The following MFSD6 variants were observed in gnomAD, a reference collection of about 807,000 sequenced individuals.
MFSD6 encodes the protein major facilitator superfamily domain containing 6, also known as major facilitator superfamily domain-containing protein 6.
A neutral mutation model predicts 56.3 loss-of-function variants in MFSD6; 26 were observed. That is an observed-to-expected ratio of 0.46 (90% confidence interval 0.34 to 0.64). The LOEUF is 0.64. Among genes scored for constraint, MFSD6 ranks in the 30% least tolerant of loss-of-function variants. The pLI, the probability that MFSD6 is intolerant of heterozygous loss-of-function variation, is 0.01. For synonymous variants in MFSD6, 331 were observed against 366.9 expected (o/e 0.90, Z 1.12); for missense variants, 750 against 986.2 (o/e 0.76, Z 3.21).
In MFSD6 at chr2:190,497,861, C is replaced by A; in HGVS notation, c.2172+142C>A. 5.2e-6 allele frequency: 5 copies of A among 968,296 alleles called. No individual in the cohort carries two copies. The highest frequency in any genetic ancestry group is 7.5e-6 in the Non-Finnish European group (5 of 662,608). The allele number at this position is 968,296 out of a possible 1,614,324, so 60.0% of individuals were successfully genotyped here. On this transcript the variant is annotated intron_variant, in intron 7 of 7. Transcript: ENST00000392328. The surrounding 1 kb of genome is among the most constrained non-coding windows in gnomAD (Gnocchi z 5.2). ...AATAGACATGCAAACAATTTCAGTA[C>A]TCTGTGAGCACTGAGTTAAAGAGGG...
At chr2:190,411,441 A>T in intron 1 of MFSD6, 1 of 983,230 alleles carries the variant, frequency 1.0e-6, no homozygotes, top group Non-Finnish European at 1.2e-6. Flanking sequence ...TACAGGCATG[A>T]GCCACTGCGC....
At position 190,489,561 on chromosome 2, in the gene MFSD6, A is replaced by G. The variant is rs565260915; in HGVS notation, c.1793-207A>G. On this transcript the variant is annotated intron_variant, in intron 5 of 7. Transcript: ENST00000392328. The surrounding 1 kb of genome is among the most constrained non-coding windows in gnomAD (Gnocchi z 6.6). ...ATAAATGCAGTTTTATAATCGATCA[A>G]TGACAGATCCAATATCAGCCCTGGG... Among the ~76,000 whole-genome samples the G allele has an allele frequency of 6.6e-5, 10 of 152,350 alleles. No individual in the cohort carries two copies. Among genetic ancestry groups the G allele is most frequent in the South Asian group, 6.2e-4 (3 of 4,826 alleles).
In MFSD6 at chr2:190,452,593, C is replaced by T. The variant is rs190798743; in HGVS notation, c.1532+15032C>T. On this transcript the variant is annotated intron_variant, in intron 3 of 7. Coordinates refer to ENST00000392328, the MANE Select transcript of MFSD6 (RefSeq NM_017694.4). ...CTGCTACCTTATAGCTTCATAGGCA[C>T]AGGGTTAGATTAGCAACTGTTTTGT... 2.2e-4 allele frequency among the ~76,000 whole-genome samples: 33 copies of T among 152,294 alleles called. No individual in the cohort carries two copies. In the East Asian group the frequency reaches 6.4e-3, roughly 29 times the overall value.
intron 3 of MFSD6, among the ~76,000 whole-genome samples, chr2:190,445,791 CAG>C (rs1322089060): frequency 1.4e-5 from 2 of 139,248 alleles, no homozygotes; most frequent in Non-Finnish European, 3.1e-5. Flanking sequence ...ACTTTGAAAT[CAG>C]ATTCATAACG....
chr2:190,450,631 T>C (rs531515831), intron 3 of MFSD6, among the ~76,000 whole-genome samples: 3 of 151,288 alleles, frequency 2.0e-5, no homozygotes, highest in African/African-American at 7.3e-5. Context: ...TAGCACAGAC[T>C]ACAGGCATGT....
intron 2 of MFSD6, among the ~76,000 whole-genome samples, chr2:190,421,659 G>A (rs1047551033): frequency 1.9e-4 from 29 of 151,866 alleles, no homozygotes; most frequent in African/African-American, 4.4e-4. Flanking sequence ...ATAGCTCACT[G>A]TCCTGGGCAC....
At position 190,434,413 on chromosome 2, in the gene MFSD6, T is replaced by C. The variant is rs1686107890; in HGVS notation, c.-53-1564T>C. On this transcript the variant is annotated intron_variant, in intron 2 of 7. Coordinates refer to ENST00000392328, the MANE Select transcript of MFSD6 (RefSeq NM_017694.4). The surrounding 1 kb of genome is among the most constrained non-coding windows in gnomAD (Gnocchi z 4.3). ...AAATGTATATTGCTAATATCGTATA[T>C]GAAAAACATTTATTTATTTTATTTT... is the stretch of plus-strand genomic sequence containing the variant. Among the ~76,000 whole-genome samples, 1 of 152,100 alleles carries C rather than the reference T, an allele frequency of 6.6e-6. No homozygotes were observed. The highest frequency in any genetic ancestry group is 1.5e-5 in the Non-Finnish European group (1 of 68,012).
rs1685711420 is a variant in MFSD6, at chr2:190,424,002, G to C, written c.-54+8589G>C. 6.6e-6 allele frequency among the ~76,000 whole-genome samples: 1 copy of C among 152,150 alleles called. No homozygotes were observed. Among genetic ancestry groups the C allele is most frequent in the East Asian group, 1.9e-4 (1 of 5,202 alleles). On this transcript the variant is annotated intron_variant, in intron 2 of 7. Transcript: ENST00000392328. This position sits in a 1 kb window ranked among gnomAD's most constrained non-coding sequence, Gnocchi z 5.9. Reference sequence around the variant, plus strand: ...ATTTTCTAATTGGATTGTTTGTTGAGTTTGGAGAATTCTTTACATATTCTA... The same window carrying C: ...ATTTTCTAATTGGATTGTTTGTTGACTTTGGAGAATTCTTTACATATTCTA...
rs531897494 is a variant in MFSD6 at position 190,431,997 on chromosome 2, TCTGATTTCTCTGGA to T, written c.-53-3974_-53-3961del. ...AAAGTATTTTCCTTTTTACTTGGCT[TCTGATTTCTCTGGA>T]CTGATAGTGTTTCCTGTTTTGGTTC... On this transcript the variant is annotated intron_variant, in intron 2 of 7. Transcript: ENST00000392328. This position sits in a 1 kb window ranked among gnomAD's most constrained non-coding sequence, Gnocchi z 4.4. 0.011 allele frequency among the ~76,000 whole-genome samples: 1,666 copies of T among 152,320 alleles called. 33 individuals carry two copies. The highest frequency in any genetic ancestry group is 0.037 in the African/African-American group (1,539 of 41,568).
At chr2:190,421,048 G>C (rs1309915118) in intron 2 of MFSD6, among the ~76,000 whole-genome samples, 1 of 152,192 alleles carries the variant, frequency 6.6e-6, no homozygotes, top group Non-Finnish European at 1.5e-5. Context: ...ATACTCAAAA[G>C]TCATTTGCAT....
intron 3 of MFSD6, among the ~76,000 whole-genome samples, chr2:190,450,591 C>T (rs1477244185): frequency 6.9e-6 from 1 of 144,242 alleles, no homozygotes; most frequent in Non-Finnish European, 1.5e-5. Flanking sequence ...ACCTTGGGCT[C>T]AGATGATACC....
At chr2:190,472,703 C>A (rs1688021266) in intron 4 of MFSD6, among the ~76,000 whole-genome samples, 1 of 152,162 alleles carries the variant, frequency 6.6e-6, no homozygotes, top group Admixed American at 6.5e-5. Context: ...TCTAGCAAGG[C>A]AGGCCAACAT....
At chr2:190,407,759 C>T (rs1236954497), upstream of MFSD6, among the ~76,000 whole-genome samples, 1 of 152,188 alleles carries the variant, frequency 6.6e-6, no homozygotes, top group Non-Finnish European at 1.5e-5. This position sits in a 1 kb window ranked among gnomAD's most constrained non-coding sequence, Gnocchi z 5.4. Context: ...TGGTGAGCCC[C>T]GAAACTCACA....
At position 190,485,819 on chromosome 2, in the gene MFSD6, C is replaced by G. The variant is rs1261150988; in HGVS notation, c.1631-2838C>G. The stretch of plus-strand genomic sequence containing the variant: ...CTTACTAGTTAAAAAAAAAAAAAAC[C>G]TAGTTAAAATGATGACTGAAACATA... On this transcript the variant is annotated intron_variant, in intron 4 of 7. Coordinates refer to ENST00000392328, the MANE Select transcript of MFSD6 (RefSeq NM_017694.4). The surrounding 1 kb of genome is among the most constrained non-coding windows in gnomAD (Gnocchi z 5.1). Among the ~76,000 whole-genome samples the G allele has an allele frequency of 6.6e-6, 1 of 150,798 alleles. No homozygotes were observed. The highest frequency in any genetic ancestry group is 1.5e-5 in the Non-Finnish European group (1 of 67,730).
chr2:190,479,834 C>T (rs1688558460), intron 4 of MFSD6, among the ~76,000 whole-genome samples: 1 of 151,996 alleles, frequency 6.6e-6, no homozygotes, highest in Admixed American at 6.6e-5. Flanking sequence ...TCAGTGGGAG[C>T]CGGGTTAAGA....
At chr2:190,449,944 G>A (rs1480730897) in intron 3 of MFSD6, among the ~76,000 whole-genome samples, 1 of 151,922 alleles carries the variant, frequency 6.6e-6, no homozygotes, top group African/African-American at 2.4e-5. Context: ...CAGCACACCA[G>A]CATGGCACAT....
rs1278591099 is a variant in MFSD6 at position 190,500,365 on chromosome 2, A to G, written c.*147A>G. ...TATCTAAACTCATTAACATGGAAAC[A>G]CACACACAGGAGCTACAGTACATAT... is the stretch of plus-strand genomic sequence containing the variant. On this transcript the variant is annotated 3_prime_UTR_variant, in exon 8 of 8. Coordinates refer to ENST00000392328, the MANE Select transcript of MFSD6 (RefSeq NM_017694.4). The surrounding 1 kb of genome is among the most constrained non-coding windows in gnomAD (Gnocchi z 5.3). 1 of 794,576 alleles carries G rather than the reference A, an allele frequency of 1.3e-6. No individual in the cohort carries two copies. The highest frequency in any genetic ancestry group is 2.0e-6 in the Non-Finnish European group (1 of 507,410). The allele number at this position is 794,576 out of a possible 1,614,324, so 49.2% of individuals were successfully genotyped here.
rs1408288675 is a variant in MFSD6 at position 190,439,606 on chromosome 2, C to T, written c.1532+2045C>T. ...AAGCTTAGACTTGTGTGTTTCTTTC[C>T]TGTGTAGTATTAGTTACTCATCATT... On this transcript the variant is annotated intron_variant, in intron 3 of 7. Coordinates refer to ENST00000392328, the MANE Select transcript of MFSD6 (RefSeq NM_017694.4). This position sits in a 1 kb window ranked among gnomAD's most constrained non-coding sequence, Gnocchi z 5.8. Among the ~76,000 whole-genome samples the T allele has an allele frequency of 6.6e-6, 1 of 152,096 alleles. No individual in the cohort carries two copies. Among genetic ancestry groups the T allele is most frequent in the African/African-American group, 2.4e-5 (1 of 41,420 alleles).
At position 190,431,939 on chromosome 2, in the gene MFSD6, C is replaced by A. The variant is rs1476457803; in HGVS notation, c.-53-4038C>A. On this transcript the variant is annotated intron_variant, in intron 2 of 7. Transcript: ENST00000392328. This position sits in a 1 kb window ranked among gnomAD's most constrained non-coding sequence, Gnocchi z 4.4. ...TGGTATTGTTTCATAGTTGCATAAT[C>A]TTCTCTTATTTCTGAAGATAATCAT... is the stretch of plus-strand genomic sequence containing the variant. Among the ~76,000 whole-genome samples the A allele has an allele frequency of 6.6e-6, 1 of 152,110 alleles. No homozygotes were observed. Among genetic ancestry groups the A allele is most frequent in the African/African-American group, 2.4e-5 (1 of 41,418 alleles).
Sources: gnomAD v4.1 joint callset for allele counts (sites outside exome capture counted in the v4.1 genomes callset) on GRCh38, gnomAD v4.1.1 for gene constraint, Gnocchi (gnomAD v3.1) non-coding constraint, MANE v1.5 for transcripts, NCBI Gene and HGNC (gene_info 2026-07-23, HGNC 2026-07-21) for gene names.